The following AGBL2 variants were observed in gnomAD, a reference collection of about 807,000 sequenced individuals.
The protein encoded by AGBL2 is AGBL carboxypeptidase 2.
Under a neutral mutation model 103.0 loss-of-function variants are expected in AGBL2, and 87 were observed. The ratio of observed to expected loss-of-function variants is 0.84; its 90% CI spans 0.71 to 1.01. The LOEUF is 1.01. Among genes scored for constraint, AGBL2 ranks in the 50% least tolerant of loss-of-function variants. The probability of loss-of-function intolerance (pLI) is 0.00; values close to 1 mark genes in which losing one functional copy is unlikely to be tolerated. For missense variants in AGBL2, 904 were observed against 1,023.5 expected (o/e 0.88, Z 1.59); for synonymous variants, 335 against 356.7 (o/e 0.94, Z 0.69).
At position 47,704,714 on chromosome 11, in the gene AGBL2, T is replaced by C; in HGVS notation, c.415A>G (p.Ser139Gly). Residue 139 changes from serine (S) to glycine (G), a missense_variant, in exon 7 of 19, where the codon AGT becomes GGT. Coordinates refer to ENST00000525123, the MANE Select transcript of AGBL2 (RefSeq NM_024783.4). ...TGTCTGCTCCTAAGATGTGGTAAAC[T>C]CAGCATATGTGAATCTGCCAAAGGG... ...VAGITDSHML[S>G]LPHLRSRQLL... 6.2e-7 allele frequency: 1 copy of C among 1,613,900 alleles called. No individual in the cohort carries two copies. The highest frequency in any genetic ancestry group is 8.5e-7 in the Non-Finnish European group (1 of 1,179,974).
chr11:47,695,610 T>C (rs974839666), intron 8 of AGBL2, among the ~76,000 whole-genome samples: 1 of 149,212 alleles, frequency 6.7e-6, no homozygotes, highest in African/African-American at 2.5e-5. Context: ...CTGTCTCCAC[T>C]AATAATACAA....
At chr11:47,706,244 C>A (rs1414610433) in intron 4 of AGBL2, among the ~76,000 whole-genome samples, 2 of 151,886 alleles carry the variant, frequency 1.3e-5, no homozygotes, top group African/African-American at 4.8e-5. Context: ...CGGCTGGGCG[C>A]GGTGGCTCAT....
At chr11:47,690,955 A>G in intron 9 of AGBL2, 97 bp from the exon 10 acceptor site, 1 of 958,594 alleles carries the variant, frequency 1.0e-6, no homozygotes, top group Non-Finnish European at 1.5e-6. Context: ...AACAGGTCTT[A>G]TTACAACAGA....
intron 14 of AGBL2, among the ~76,000 whole-genome samples, chr11:47,674,094 A>AAAAT (rs570595578): frequency 3.3e-5 from 5 of 152,208 alleles, no homozygotes; most frequent in South Asian, 4.1e-4. Context: ...GTCTGTCTCA[A>AAAAT]AAATAAATAA....
intron 10 of AGBL2, among the ~76,000 whole-genome samples, chr11:47,688,797 G>T (rs1237812145): frequency 6.6e-6 from 1 of 152,084 alleles, no homozygotes; most frequent in African/African-American, 2.4e-5. Flanking sequence ...CTGCCATGGT[G>T]CCATCTCAGC....
intron 14 of AGBL2, among the ~76,000 whole-genome samples, chr11:47,672,654 T>A (rs1177374431): frequency 6.6e-6 from 1 of 152,076 alleles, no homozygotes; most frequent in Admixed American, 6.6e-5. Flanking sequence ...GAGGGGTTGG[T>A]GCAGAGGTCT....
chr11:47,693,691 T>C (rs2153804471), intron 8 of AGBL2, among the ~76,000 whole-genome samples: 1 of 152,326 alleles, frequency 6.6e-6, no homozygotes, highest in East Asian at 1.9e-4. Flanking sequence ...GTATTGGCTA[T>C]TCAGGGCCCT....
intron 3 of AGBL2, among the ~76,000 whole-genome samples, chr11:47,713,023 C>A (rs2097539930): frequency 6.6e-6 from 1 of 150,558 alleles, no homozygotes; most frequent in South Asian, 2.1e-4. Flanking sequence ...GCCTGGGCAA[C>A]AAGAGCATAA....
chr11:47,661,872 C>T (rs764252414), intron 18 of AGBL2, among the ~76,000 whole-genome samples: 72 of 151,998 alleles, frequency 4.7e-4, no homozygotes, highest in Middle Eastern at 3.4e-3. Context: ...CCTCAGCCTT[C>T]CAAGTAGCTG....
intron 9 of AGBL2, among the ~76,000 whole-genome samples, chr11:47,691,729 A>ATATACATATAT (rs1554960981): frequency 2.1e-4 from 1 of 4,850 alleles, no homozygotes; most frequent in Non-Finnish European, 3.6e-4. Flanking sequence ...AAAAAAAAAA[A>ATATACATATAT]ATATATATAT....
chr11:47,662,016 T>C (rs1337193712), intron 18 of AGBL2, among the ~76,000 whole-genome samples: 1 of 151,974 alleles, frequency 6.6e-6, no homozygotes, highest in African/African-American at 2.4e-5. Context: ...CCCAAAGTGC[T>C]GGGATTACAG....
chr11:47,662,951 T>A lies in AGBL2; in HGVS notation c.2535+75A>T, dbSNP rs1037008067. 28 of 1,252,760 alleles carry A rather than the reference T, an allele frequency of 2.2e-5. 1 individual carries two copies. The East Asian group carries it at 5.0e-4, about 22-fold the overall frequency. 77.6% of individuals were successfully genotyped at this position (1,252,760 alleles called of 1,614,324 possible). On this transcript the variant is annotated intron_variant, in intron 18 of 18. Transcript: ENST00000525123. ...GGACTGTGCATCACCGCCCTCCAAATCACATAATACATTTGAGAACTAATT... is the reference window on the plus strand; with the variant it reads ...GGACTGTGCATCACCGCCCTCCAAAACACATAATACATTTGAGAACTAATT...
chr11:47,663,771 G>A (rs982336551), intron 17 of AGBL2, among the ~76,000 whole-genome samples: 1 of 151,896 alleles, frequency 6.6e-6, no homozygotes, highest in Admixed American at 6.6e-5. Context: ...GGTCAGGCTG[G>A]TCTTGAACTC....
At position 47,699,428 on chromosome 11, in the gene AGBL2, T is replaced by C. The variant is rs372098519; in HGVS notation, c.694+18A>G. 32 of 1,225,980 alleles carry C rather than the reference T, an allele frequency of 2.6e-5. No individual in the cohort carries two copies. In the African/African-American group the frequency reaches 4.7e-4, roughly 18 times the overall value. 75.9% of individuals were successfully genotyped at this position (1,225,980 alleles called of 1,614,324 possible). ...TTTGTCATGATTAACCATTCATTGTTCAGTGTAATGACAATACCTGAATCT... is the reference window on the plus strand; with the variant it reads ...TTTGTCATGATTAACCATTCATTGTCCAGTGTAATGACAATACCTGAATCT... On this transcript the variant is annotated intron_variant, in intron 8 of 18. Transcript: ENST00000525123.
chr11:47,710,559 C>T (rs1448527726), intron 3 of AGBL2, 48 bp from the exon 4 acceptor site: 6 of 1,608,118 alleles, frequency 3.7e-6, no homozygotes, highest in African/African-American at 2.7e-5. Flanking sequence ...CGACTCATCA[C>T]TTCTAACATC....
chr11:47,704,500 A>T (rs753402324), intron 7 of AGBL2, 43 bp downstream of exon 7: 2 of 1,443,190 alleles, frequency 1.4e-6, no homozygotes, highest in Non-Finnish European at 9.3e-7. Flanking sequence ...AAAAAAAAAA[A>T]GTCAGGCAGA....
In AGBL2 at chr11:47,690,679, T is replaced by C. The variant is rs1252658412; in HGVS notation, c.1028A>G (p.Gln343Arg). Residue 343 changes from glutamine to arginine, a missense_variant, in exon 10 of 19, where the codon CAA (glutamine) becomes CGA (arginine). By Grantham distance (43) the Gln-to-Arg change is conservative. Coordinates refer to ENST00000525123, the MANE Select transcript of AGBL2 (RefSeq NM_024783.4). ...TVGMKPLLYS[Q>R]LDANTRNIGW... Reference sequence around the variant, plus strand: ...AATATTGCGGGTGTTGGCATCCAATTGGGAGTACAAGAGTGGCTTCATCCC... The same window carrying C: ...AATATTGCGGGTGTTGGCATCCAATCGGGAGTACAAGAGTGGCTTCATCCC... 1 of 1,614,144 alleles carries C rather than the reference T, an allele frequency of 6.2e-7. No homozygotes were observed. Among genetic ancestry groups the C allele is most frequent in the Non-Finnish European group, 8.5e-7 (1 of 1,180,038 alleles).
chr11:47,679,888 C>A, intron 13 of AGBL2, 85 bp downstream of exon 13: 1 of 828,676 alleles, frequency 1.2e-6, no homozygotes. Flanking sequence ...GCAATCCACC[C>A]ACTTCAGCCT....
chr11:47,690,355 G>A lies in AGBL2; in HGVS notation c.1352C>T (p.Ala451Val). The change falls in exon 10 of 19, where the codon GCA (alanine) becomes GTA (valine). Residue 451 changes from alanine to valine, a missense_variant. By Grantham distance (64) the Ala-to-Val change is moderately conservative. Coordinates refer to ENST00000525123, the MANE Select transcript of AGBL2 (RefSeq NM_024783.4). ...GGCACTCAAGACCACAGCTTTCTTT[G>A]CAGCTGCCTCTTGAGGGGTCTGGGA... ...NPSQTPQEAA[A>V]KKAVVLSARV... The A allele has an allele frequency of 6.2e-7, 1 of 1,614,008 alleles. No individual in the cohort carries two copies. The highest frequency in any genetic ancestry group is 8.5e-7 in the Non-Finnish European group (1 of 1,179,934).
Sources: allele counts gnomAD v4.1 joint callset (sites outside exome capture counted in the v4.1 genomes callset), GRCh38; gene constraint gnomAD v4.1.1; transcripts MANE v1.5; gene names NCBI Gene and HGNC (gene_info 2026-07-23, HGNC 2026-07-21).